Variants in TJP1 observed in about 807,000 individuals in gnomAD.
TJP1 encodes the protein tight junction protein ZO-1.
In TJP1, 43 loss-of-function variants were observed where a neutral mutation model predicts 194.2. That is an observed-to-expected ratio of 0.22 (90% CI 0.17 to 0.29). The LOEUF (loss-of-function observed/expected upper bound fraction) is 0.29, where lower values mean the gene tolerates loss of function less well. Among genes scored for constraint, TJP1 ranks in the 10% least tolerant of loss-of-function variants. TJP1 has a pLI of 1.00. For synonymous variants in TJP1, 801 were observed against 779.0 expected (o/e 1.03, Z -0.47); for missense variants, 1,971 against 2,185.7 (o/e 0.90, Z 1.96).
At chr15:29,810,072 T>C (rs1845650845) in intron 1 of TJP1, among the ~76,000 whole-genome samples, 1 of 152,112 alleles carries the variant, frequency 6.6e-6, no homozygotes, top group Admixed American at 6.5e-5. Flanking sequence ...TCTGAAATGC[T>C]CCAAAGAGAA....
chr15:29,899,846 T>C (rs1443951900), intron 2 of TJP1, among the ~76,000 whole-genome samples: 1 of 152,172 alleles, frequency 6.6e-6, no homozygotes, highest in Non-Finnish European at 1.5e-5. Flanking sequence ...GATTAACTGA[T>C]TAATTTATTC....
intron 18 of TJP1, among the ~76,000 whole-genome samples, chr15:29,721,571 C>T (rs764817347): frequency 1.3e-5 from 2 of 152,068 alleles, no homozygotes; most frequent in Non-Finnish European, 2.9e-5. Flanking sequence ...TGGACTAATA[C>T]AGTAAATTGG....
chr15:29,764,464 G>C (rs1173854214), intron 5 of TJP1, among the ~76,000 whole-genome samples: 2 of 152,146 alleles, frequency 1.3e-5, no homozygotes, highest in Admixed American at 1.3e-4. Flanking sequence ...GTGTCACAGA[G>C]GATCTATGAA....
At position 29,761,194 on chromosome 15, in the gene TJP1, G is replaced by T. The variant is rs191883147; in HGVS notation, c.955C>A (p.Arg319=). 3.1e-6 allele frequency: 5 copies of T among 1,613,900 alleles called. No homozygotes were observed. The highest frequency in any genetic ancestry group is 4.2e-6 in the Non-Finnish European group (5 of 1,179,926). ...CTGGAATGATCAGAAGGCTCTGACC[G>T]CTGGTCAGGAGATCGTGACCGGCTG... ...RRSRSRSPDQ[R]SEPSDHSRHS... The change falls in exon 8 of 28, where the codon CGG becomes AGG. Residue 319 remains arginine, a synonymous_variant. Coordinates refer to ENST00000614355, the MANE Select transcript of TJP1 (RefSeq NM_001330239.4).
rs1465207261 is a variant in TJP1 at position 29,733,231 on chromosome 15, A to G, written c.1599T>C (p.Tyr533=). ...CCTCTCCTTTGTTAAAACTAAGTCC[A>G]TAGGGAGATTCCTTTTCATATTCAA... The part of the protein sequence containing the change: ...THFEYEKESP[Y]GLSFNKGEVF... The change falls in exon 13 of 28, where the codon TAT becomes TAC. Residue 533 remains tyrosine, a synonymous_variant. Coordinates refer to ENST00000614355, the MANE Select transcript of TJP1 (RefSeq NM_001330239.4). The G allele has an allele frequency of 6.2e-7, 1 of 1,614,086 alleles. No individual in the cohort carries two copies. Among genetic ancestry groups the G allele is most frequent in the East Asian group, 2.2e-5 (1 of 44,860 alleles).
chr15:29,742,834 A>AGAATCTC, intron 8 of TJP1, 53 bp from the exon 9 acceptor site: 1 of 1,517,990 alleles, frequency 6.6e-7, no homozygotes. Context: ...TCTGGAAAGC[A>AGAATCTC]TCTGTAAGAG....
intron 2 of TJP1, among the ~76,000 whole-genome samples, chr15:29,794,512 T>C (rs2048287537): frequency 6.6e-6 from 1 of 152,202 alleles, no homozygotes; most frequent in South Asian, 2.1e-4. Context: ...TGAATTGGTA[T>C]GACACTTCTA....
chr15:29,804,268 G>A (rs924010474), intron 1 of TJP1, among the ~76,000 whole-genome samples: 2 of 152,126 alleles, frequency 1.3e-5, no homozygotes, highest in Admixed American at 1.3e-4. Flanking sequence ...TAGAATCTTA[G>A]TGGTTGGGAT....
Position 29,761,699 on chromosome 15 carries a change from T to A in TJP1, c.764A>T (p.Lys255Ile). 1 of 1,609,698 alleles carries A rather than the reference T, an allele frequency of 6.2e-7. No homozygotes were observed. The highest frequency in any genetic ancestry group is 1.1e-5 in the South Asian group (1 of 90,756). The part of the protein sequence containing the change: ...AKTLIERSKG[K>I]LKMVVQRDER... ...ATCTCTTTGAACTACCATTTTTAAT[T>A]TGCCTTTAGACCTTTCTATCAATGT... The change falls in exon 7 of 28, where the codon AAA (lysine) becomes ATA (isoleucine). Residue 255 changes from lysine to isoleucine, a missense_variant. This residue lies in a region of TJP1 where 245 missense variants were observed against 336.6 expected (regional missense o/e 0.73). Transcript: ENST00000614355.
At chr15:29,719,645 T>C (rs1464988326) in intron 20 of TJP1, 132 bp downstream of exon 20, 3 of 1,168,930 alleles carry the variant, frequency 2.6e-6, no homozygotes, top group African/African-American at 3.1e-5. Flanking sequence ...TGATTTGTAT[T>C]GATTTGAAAG....
chr15:29,897,703 C>T (rs970462696), intron 2 of TJP1, among the ~76,000 whole-genome samples: 9 of 152,202 alleles, frequency 5.9e-5, no homozygotes, highest in African/African-American at 2.2e-4. Context: ...GAATCCACCT[C>T]TTGCATCAGT....
At chr15:29,908,892 C>T (rs1010462144) in intron 2 of TJP1, among the ~76,000 whole-genome samples, 12 of 151,878 alleles carry the variant, frequency 7.9e-5, no homozygotes, top group African/African-American at 2.4e-4. Flanking sequence ...CGGTGGCTCA[C>T]GCCTGTAGTC....
intron 2 of TJP1, among the ~76,000 whole-genome samples, chr15:29,858,218 T>G (rs1408797917): frequency 2.6e-5 from 4 of 152,140 alleles, no homozygotes; most frequent in African/African-American, 9.7e-5. Flanking sequence ...CTGGGCAACA[T>G]GTCGAAACTT....
intron 2 of TJP1, among the ~76,000 whole-genome samples, chr15:29,846,152 A>C (rs959166024): frequency 6.6e-6 from 1 of 152,106 alleles, no homozygotes; most frequent in Admixed American, 6.5e-5. Context: ...ACTGATCTTT[A>C]AGAGACCCAT....
intron 2 of TJP1, among the ~76,000 whole-genome samples, chr15:29,919,000 T>C (rs947681516): frequency 5.9e-5 from 9 of 152,066 alleles, no homozygotes; most frequent in South Asian, 4.2e-4. Flanking sequence ...AAGATGAAAA[T>C]AGACCATACA....
intron 2 of TJP1, among the ~76,000 whole-genome samples, chr15:29,879,016 C>T (rs1314486581): frequency 1.3e-5 from 2 of 151,634 alleles, no homozygotes; most frequent in Non-Finnish European, 2.9e-5. Context: ...CCCAGCTACT[C>T]GGGAGGCTGA....
intron 2 of TJP1, among the ~76,000 whole-genome samples, chr15:29,929,187 C>CA (rs10713407): frequency 7.3e-5 from 11 of 150,752 alleles, no homozygotes; most frequent in African/African-American, 2.2e-4. Flanking sequence ...AAATCAAGGA[C>CA]AAAAAAAAAT....
chr15:29,826,592 T>TC (rs138912567), upstream of TJP1, among the ~76,000 whole-genome samples: 12,238 of 152,058 alleles, frequency 0.08, 533 homozygotes, highest in African/African-American at 0.088. Flanking sequence ...CTCTCCATCT[T>TC]CCCCCCAAGG....
intron 2 of TJP1, among the ~76,000 whole-genome samples, chr15:29,850,142 C>T (rs763597433): frequency 1.8e-4 from 27 of 152,252 alleles, no homozygotes; most frequent in Non-Finnish European, 3.2e-4. Context: ...CTAAACCTCA[C>T]ACCTTATACA....
Sources: gnomAD v4.1 joint callset for allele counts (sites outside exome capture counted in the v4.1 genomes callset) on GRCh38, gnomAD v4.1.1 for gene constraint, gnomAD v4.1.1 regional missense constraint, MANE v1.5 for transcripts, NCBI Gene and HGNC (gene_info 2026-07-23, HGNC 2026-07-21) for gene names.